UPF1: variants seen among roughly 807,000 people sequenced by gnomAD.
UPF1 encodes UPF1 RNA helicase and ATPase, also known as regulator of nonsense transcripts 1.
In UPF1, 9 loss-of-function variants were observed where a neutral mutation model predicts 129.2. That is an observed-to-expected ratio of 0.07 (90% CI 0.04 to 0.12). UPF1 has a LOEUF of 0.12. Among genes scored for constraint, UPF1 ranks in the 10% least tolerant of loss-of-function variants. The probability of loss-of-function intolerance (pLI) is 1.00; values close to 1 mark genes in which losing one functional copy is unlikely to be tolerated. For missense variants in UPF1, 788 were observed against 1,525.3 expected (o/e 0.52, Z 8.05); for synonymous variants, 649 against 644.9 (o/e 1.01, Z -0.10).
chr19:18,834,287 G>T (rs987865754), intron 1 of UPF1, among the ~76,000 whole-genome samples: 1 of 152,240 alleles, frequency 6.6e-6, no homozygotes, highest in Non-Finnish European at 1.5e-5. Context: ...AGCGCGGATC[G>T]GGGGGTTGGC....
intron 3 of UPF1, among the ~76,000 whole-genome samples, chr19:18,848,809 A>G (rs2055627293): frequency 6.6e-6 from 1 of 152,168 alleles, no homozygotes; most frequent in Non-Finnish European, 1.5e-5. Flanking sequence ...ACCAAAAGAC[A>G]TTCTTGTCCC....
Position 18,832,735 on chromosome 19 carries a change from CTTCG to C in UPF1, c.231+300_231+303del, listed in dbSNP as rs1340271849. Among the ~76,000 whole-genome samples the C allele has an allele frequency of 1.3e-5, 2 of 152,050 alleles. No homozygotes were observed. The highest frequency in any genetic ancestry group is 2.9e-5 in the Non-Finnish European group (2 of 67,966). On this transcript the variant is annotated intron_variant, in intron 1 of 23. Coordinates refer to ENST00000262803, the MANE Select transcript of UPF1 (RefSeq NM_002911.4). This position sits in a 1 kb window ranked among gnomAD's most constrained non-coding sequence, Gnocchi z 5.6. ...GGGCAGACTTGCCTCGAGTCCTCCACTTCGTTCGGGACCGAGCTAACCTGACCCT... is the reference window on the plus strand; with the variant it reads ...GGGCAGACTTGCCTCGAGTCCTCCACTTCGGGACCGAGCTAACCTGACCCT...
chr19:18,861,838 A>C (rs2055783261), intron 17 of UPF1, among the ~76,000 whole-genome samples, 172 bp from the exon 18 acceptor site: 1 of 152,192 alleles, frequency 6.6e-6, no homozygotes, highest in South Asian at 2.1e-4. Flanking sequence ...TAAAAAAAGA[A>C]AACAAAACGA....
Position 18,850,049 on chromosome 19 carries a change from AAC to A in UPF1, c.462-25_462-24del, listed in dbSNP as rs1568275207. ...GGTGAAAAGCCAAATTTTGGGTGTT[AAC>A]CGTTTATCATTTCCTGGTTTCAGCC... On this transcript the variant is annotated intron_variant, in intron 3 of 23. Coordinates refer to ENST00000262803, the MANE Select transcript of UPF1 (RefSeq NM_002911.4). This position sits in a 1 kb window ranked among gnomAD's most constrained non-coding sequence, Gnocchi z 7.1. 1 of 1,613,696 alleles carries A rather than the reference AAC, an allele frequency of 6.2e-7. No individual in the cohort carries two copies. The highest frequency in any genetic ancestry group is 8.5e-7 in the Non-Finnish European group (1 of 1,179,838).
rs1464687860 is a variant in UPF1, at chr19:18,850,502, T to C, written c.630-186T>C. Among the ~76,000 whole-genome samples the C allele has an allele frequency of 6.6e-6, 1 of 152,256 alleles. No individual in the cohort carries two copies. Among genetic ancestry groups the C allele is most frequent in the African/African-American group, 2.4e-5 (1 of 41,468 alleles). On this transcript the variant is annotated intron_variant, in intron 4 of 23. Transcript: ENST00000262803. The surrounding 1 kb of genome is among the most constrained non-coding windows in gnomAD (Gnocchi z 7.1). ...TAAAAACAAAGTCTGTTCTGAGTTTTAAGAGTTCAGAGCTCAAGTGCACAG... is the reference window on the plus strand; with the variant it reads ...TAAAAACAAAGTCTGTTCTGAGTTTCAAGAGTTCAGAGCTCAAGTGCACAG...
At chr19:18,857,920 C>T (rs1163494352) in intron 15 of UPF1, among the ~76,000 whole-genome samples, 2 of 152,230 alleles carry the variant, frequency 1.3e-5, no homozygotes, top group African/African-American at 2.4e-5. Flanking sequence ...AGACCGTGTC[C>T]GGCTTCCCTG....
In UPF1 at chr19:18,855,691, T is replaced by C. The variant is rs1356221913; in HGVS notation, c.1545-234T>C. 4 of 579,172 alleles carry C rather than the reference T, an allele frequency of 6.9e-6. No individual in the cohort carries two copies. In the Admixed American group the frequency reaches 1.4e-4, roughly 20 times the overall value. 35.9% of individuals were successfully genotyped at this position (579,172 alleles called of 1,614,324 possible). A position where few individuals can be genotyped will look rare whatever the true frequency, so the allele number is the denominator to read the frequency against. ...GTGAGACGTCTCTACAAAAAAAAAA[T>C]TCAGAAATTAGCTGGGGGTAGTGGC... is the stretch of plus-strand genomic sequence containing the variant. On this transcript the variant is annotated intron_variant, in intron 11 of 23. Coordinates refer to ENST00000262803, the MANE Select transcript of UPF1 (RefSeq NM_002911.4).
rs553113025 is a variant in UPF1 at position 18,851,352 on chromosome 19, C to T, written c.810+484C>T. Among the ~76,000 whole-genome samples, 34 of 152,302 alleles carry T rather than the reference C, an allele frequency of 2.2e-4. No homozygotes were observed. The highest frequency in any genetic ancestry group is 7.2e-4 in the African/African-American group (30 of 41,562). Reference sequence around the variant, plus strand: ...CACAGACAGCCCTCACTTTTCCCCACGGAAGCCTTTCTGTGCTTCCAGCTG... The same window carrying T: ...CACAGACAGCCCTCACTTTTCCCCATGGAAGCCTTTCTGTGCTTCCAGCTG... On this transcript the variant is annotated intron_variant, in intron 5 of 23. Coordinates refer to ENST00000262803, the MANE Select transcript of UPF1 (RefSeq NM_002911.4). This position sits in a 1 kb window ranked among gnomAD's most constrained non-coding sequence, Gnocchi z 4.2.
At chr19:18,861,123 G>GA in intron 17 of UPF1, 141 bp downstream of exon 17, 6 of 1,166,408 alleles carry the variant, frequency 5.1e-6, no homozygotes, top group Non-Finnish European at 7.0e-6. Flanking sequence ...CCCACCCTCT[G>GA]GGGAGGGCAC....
At position 18,851,026 on chromosome 19, in the gene UPF1, G is replaced by T; in HGVS notation, c.810+158G>T. 1 of 898,000 alleles carries T rather than the reference G, an allele frequency of 1.1e-6. No individual in the cohort carries two copies. The highest frequency in any genetic ancestry group is 1.6e-6 in the Non-Finnish European group (1 of 639,092). The allele number at this position is 898,000 out of a possible 1,614,324, so 55.6% of individuals were successfully genotyped here. A position where few individuals can be genotyped will look rare whatever the true frequency, so the allele number is the denominator to read the frequency against. ...CACCTCTACGTGGAATGACCTCAGGGCACCTTGGTCACCTTCCATCCAGGC... is the reference window on the plus strand; with the variant it reads ...CACCTCTACGTGGAATGACCTCAGGTCACCTTGGTCACCTTCCATCCAGGC... On this transcript the variant is annotated intron_variant, in intron 5 of 23. Coordinates refer to ENST00000262803, the MANE Select transcript of UPF1 (RefSeq NM_002911.4). The surrounding 1 kb of genome is among the most constrained non-coding windows in gnomAD (Gnocchi z 4.2).
At chr19:18,847,310 G>C (rs560048107) in intron 2 of UPF1, among the ~76,000 whole-genome samples, 4 of 152,210 alleles carry the variant, frequency 2.6e-5, no homozygotes, top group Non-Finnish European at 5.9e-5. Flanking sequence ...CTCCTCGCTT[G>C]GGCTTCGGGG....
At chr19:18,839,625 T>C (rs2055520239) in intron 1 of UPF1, among the ~76,000 whole-genome samples, 1 of 152,170 alleles carries the variant, frequency 6.6e-6, no homozygotes, top group Admixed American at 6.5e-5. Context: ...CCTGGCCCCA[T>C]GCTCCCCCGC....
chr19:18,868,226 C>G lies in UPF1; in HGVS notation c.*1709C>G. ...ACCAAATATTAATAAACAGTTTTGA[C>G]TTCACACCAAGGTTGGATAAACTGC... On this transcript the variant is annotated 3_prime_UTR_variant, in exon 24 of 24. Coordinates refer to ENST00000262803, the MANE Select transcript of UPF1 (RefSeq NM_002911.4). The G allele has an allele frequency of 3.4e-6, 1 of 291,208 alleles. No individual in the cohort carries two copies. The highest frequency in any genetic ancestry group is 4.1e-5 in the South Asian group (1 of 24,192). The allele number at this position is 291,208 out of a possible 1,614,324, so 18.0% of individuals were successfully genotyped here. A position where few individuals can be genotyped will look rare whatever the true frequency, so the allele number is the denominator to read the frequency against.
At chr19:18,845,451 C>G in intron 1 of UPF1, among the ~76,000 whole-genome samples, 1 of 152,162 alleles carries the variant, frequency 6.6e-6, no homozygotes, top group East Asian at 1.9e-4. Flanking sequence ...CCTCGGTTGC[C>G]AAGGGTATCT....
At chr19:18,843,717 TTGTGTGTGTG>T (rs72080135) in intron 1 of UPF1, among the ~76,000 whole-genome samples, 7 of 144,076 alleles carry the variant, frequency 4.9e-5, no homozygotes, top group African/African-American at 7.7e-5. Context: ...TTGGCCAGGC[TTGTGTGTGTG>T]TGTGTGTGTG....
Position 18,831,967 on chromosome 19 carries a change from C to G in UPF1, c.-243C>G. The G allele has an allele frequency of 3.8e-6, 1 of 262,818 alleles. No homozygotes were observed. The highest frequency in any genetic ancestry group is 7.1e-6 in the Non-Finnish European group (1 of 140,492). 16.3% of individuals were successfully genotyped at this position (262,818 alleles called of 1,614,324 possible). On this transcript the variant is annotated 5_prime_UTR_variant, in exon 1 of 24. Coordinates refer to ENST00000262803, the MANE Select transcript of UPF1 (RefSeq NM_002911.4). ...ACGGCGGCGGTGGCGGCAGTTCCTG[C>G]TCTAGGCTGCGAGCGGCTGGCGGCT...
chr19:18,845,963 A>G lies in UPF1; in HGVS notation c.232-17A>G. ...GAAGCTGCAGCCTCACTCAGGTGAC[A>G]CTGCGTTCTGCTGCAGGTTGGGCCC... On this transcript the variant is annotated splice_polypyrimidine_tract_variant and intron_variant, in intron 1 of 23. Transcript: ENST00000262803. The G allele has an allele frequency of 6.2e-7, 1 of 1,613,262 alleles. No homozygotes were observed. Among genetic ancestry groups the G allele is most frequent in the Non-Finnish European group, 8.5e-7 (1 of 1,179,832 alleles).
In UPF1 at chr19:18,856,014, G is replaced by C. The variant is rs1321330561; in HGVS notation, c.1634G>C (p.Cys545Ser). The change falls in exon 12 of 24, where the codon TGC becomes TCC. Residue 545 changes from cysteine (C) to serine (S), a missense_variant. By Grantham distance (112) the Cys-to-Ser change is moderately radical. This residue lies in a region of UPF1 where 91 missense variants were observed against 157.2 expected (regional missense o/e 0.58). Coordinates refer to ENST00000262803, the MANE Select transcript of UPF1 (RefSeq NM_002911.4). ...HQTGLKVVRL[C>S]AKSREAIDSP... ...ACGGGGCTAAAGGTCGTGCGCCTCT[G>C]CGCCAAGAGCCGTGAGGCCATCGAC... 6.2e-7 allele frequency: 1 copy of C among 1,614,034 alleles called. No individual in the cohort carries two copies. The highest frequency in any genetic ancestry group is 1.1e-5 in the South Asian group (1 of 91,090).
In UPF1 at chr19:18,832,806, G is replaced by A. The variant is rs1012552427; in HGVS notation, c.231+366G>A. Among the ~76,000 whole-genome samples the A allele has an allele frequency of 6.6e-6, 1 of 152,222 alleles. No individual in the cohort carries two copies. On this transcript the variant is annotated intron_variant, in intron 1 of 23. Transcript: ENST00000262803. This position sits in a 1 kb window ranked among gnomAD's most constrained non-coding sequence, Gnocchi z 5.6. ...TGGGTTTGCTCCCCCTCCTGGGCCCGGGCTGACCTGCCTTGTGTCCCACAA... is the reference window on the plus strand; with the variant it reads ...TGGGTTTGCTCCCCCTCCTGGGCCCAGGCTGACCTGCCTTGTGTCCCACAA...
Sources: allele counts gnomAD v4.1 joint callset (sites outside exome capture counted in the v4.1 genomes callset), GRCh38; gene constraint gnomAD v4.1.1; regional missense constraint gnomAD v4.1.1; non-coding constraint Gnocchi (gnomAD v3.1); transcripts MANE v1.5; gene names NCBI Gene and HGNC (gene_info 2026-07-23, HGNC 2026-07-21).